The following USP15 variants were observed in gnomAD, a reference collection of about 807,000 sequenced individuals.
The protein encoded by USP15 is ubiquitin carboxyl-terminal hydrolase 15.
A neutral mutation model predicts 127.1 loss-of-function variants in USP15; 18 were observed. That is an observed-to-expected ratio of 0.14 (90% CI 0.10 to 0.21). The LOEUF is 0.21. USP15 is among the 10% of genes least tolerant of loss of function. The pLI, the probability that USP15 is intolerant of heterozygous loss-of-function variation, is 1.00. For missense variants in USP15, 805 were observed against 1,159.9 expected (o/e 0.69, Z 4.44); for synonymous variants, 364 against 393.7 (o/e 0.92, Z 0.89).
chr12:62,326,635 T>A (rs2065135808), intron 6 of USP15, among the ~76,000 whole-genome samples: 1 of 152,228 alleles, frequency 6.6e-6, no homozygotes, highest in South Asian at 2.1e-4. Flanking sequence ...AATAGCATTA[T>A]ATCAGTTCAG....
At position 62,411,485 on chromosome 12, in the gene USP15, T is replaced by C. The variant is rs1409982747; in HGVS notation, c.*7110T>C. ...CAAATATAATTTTTAAAGCTATTTG[T>C]GAGCATAACTTCGTAACACATTTAG... On this transcript the variant is annotated 3_prime_UTR_variant, in exon 22 of 22. Coordinates refer to ENST00000280377, the MANE Select transcript of USP15 (RefSeq NM_001252078.2). The C allele has an allele frequency of 6.6e-6, 1 of 152,240 alleles. No individual in the cohort carries two copies. The highest frequency in any genetic ancestry group is 1.5e-5 in the Non-Finnish European group (1 of 68,036). The allele number at this position is 152,240 out of a possible 1,614,324, so 9.4% of individuals were successfully genotyped here.
chr12:62,351,978 T>TG (rs2065980768), intron 7 of USP15, among the ~76,000 whole-genome samples: 2 of 151,886 alleles, frequency 1.3e-5, no homozygotes, highest in Admixed American at 1.3e-4. Context: ...ATTCAGCTTG[T>TG]GGGAAGACTT....
chr12:62,280,983 C>T (rs1477137329), intron 1 of USP15, among the ~76,000 whole-genome samples: 1 of 152,092 alleles, frequency 6.6e-6, no homozygotes, highest in Non-Finnish European at 1.5e-5. Context: ...GAAAATTGGG[C>T]TTATCTGGAC....
Position 62,389,782 on chromosome 12 carries a change from G to A in USP15, c.1653-15G>A. On this transcript the variant is annotated splice_polypyrimidine_tract_variant and intron_variant, in intron 13 of 21. Transcript: ENST00000280377. Reference sequence around the variant, plus strand: ...ATAAAATTTTGAGAGTTTATGGTCAGTTTTGTCCTTGTAGGTTTGAAATTA... The same window carrying A: ...ATAAAATTTTGAGAGTTTATGGTCAATTTTGTCCTTGTAGGTTTGAAATTA... The A allele has an allele frequency of 2.5e-6, 4 of 1,606,442 alleles. No homozygotes were observed. The highest frequency in any genetic ancestry group is 2.6e-6 in the Non-Finnish European group (3 of 1,175,608).
chr12:62,315,740 G>C (rs1052933834), intron 4 of USP15, among the ~76,000 whole-genome samples: 1 of 152,134 alleles, frequency 6.6e-6, no homozygotes, highest in Non-Finnish European at 1.5e-5. Flanking sequence ...GTTGGAACCA[G>C]TCATTAAAGT....
intron 6 of USP15, chr12:62,335,762 T>C: frequency 1.0e-6 from 1 of 985,452 alleles, no homozygotes; most frequent in African/African-American, 1.7e-5. Flanking sequence ...TAATGTTGCT[T>C]GCCACCCATT....
At chr12:62,312,430 A>G (rs1265139877) in intron 3 of USP15, 2 of 156,342 alleles carry the variant, frequency 1.3e-5, no homozygotes, top group Non-Finnish European at 2.9e-5. Flanking sequence ...AAATGAACAA[A>G]TAGAAATTAT....
chr12:62,383,991 C>T lies in USP15; in HGVS notation c.1241C>T (p.Pro414Leu). The T allele has an allele frequency of 1.2e-6, 2 of 1,611,642 alleles. No individual in the cohort carries two copies. Among genetic ancestry groups the T allele is most frequent in the Non-Finnish European group, 1.7e-6 (2 of 1,178,804 alleles). Reference sequence around the variant, plus strand: ...CAATTAAAAGATGCAGATGGAAGGCCAGATAAGGTAAATTTCATGATCCTA... The same window carrying T: ...CAATTAAAAGATGCAGATGGAAGGCTAGATAAGGTAAATTTCATGATCCTA... ...YIQLKDADGR[P>L]DKVVAEEAWE... Residue 414 changes from proline to leucine, a missense_variant, in exon 10 of 22, where the codon CCA (proline) becomes CTA (leucine). Pro to Leu is a moderately conservative substitution (Grantham distance 98). Transcript: ENST00000280377.
chr12:62,307,827 C>G (rs543890094), intron 3 of USP15, among the ~76,000 whole-genome samples: 3 of 152,228 alleles, frequency 2.0e-5, no homozygotes, highest in South Asian at 4.1e-4. Context: ...TGCAGCGTTA[C>G]AATGTACATC....
In USP15 at chr12:62,320,428, A is replaced by G. The variant is rs554458625; in HGVS notation, c.476-1036A>G. Among the ~76,000 whole-genome samples the G allele has an allele frequency of 1.6e-4, 25 of 152,312 alleles. 1 individual carries two copies. In the South Asian group the frequency reaches 2.5e-3, roughly 15 times the overall value. ...GTACAGCCCATGGAACTGTAAGTCA[A>G]TTAAACCTCTTTTCTTCATAAGTTA... On this transcript the variant is annotated intron_variant, in intron 4 of 21. Transcript: ENST00000280377.
intron 6 of USP15, chr12:62,335,961 G>C: frequency 1.0e-6 from 1 of 985,336 alleles, no homozygotes; most frequent in Non-Finnish European, 1.2e-6. Context: ...CCTCTTTAGG[G>C]TTGCCACATT....
Position 62,295,742 on chromosome 12 carries a change from T to TA in USP15, c.217+1438dup, listed in dbSNP as rs145283908. On this transcript the variant is annotated intron_variant, in intron 2 of 21. Transcript: ENST00000280377. ...AGATTAAAAAGTTAAGAACCAGCTA[T>TA]AACTGCCTACAAGAAACTCACTTTA... Among the ~76,000 whole-genome samples, 1,280 of 152,318 alleles carry TA rather than the reference T, an allele frequency of 8.4e-3. 8 individuals carry two copies. Among genetic ancestry groups the TA allele is most frequent in the Non-Finnish European group, 0.012 (801 of 68,024 alleles).
In USP15 at chr12:62,384,335, T is replaced by G. The variant is rs759113294; in HGVS notation, c.1473+33T>G. The G allele has an allele frequency of 3.5e-4, 511 of 1,449,430 alleles. 1 individual carries two copies. Among genetic ancestry groups the G allele is most frequent in the Middle Eastern group, 2.8e-3 (12 of 4,218 alleles). 89.8% of individuals were successfully genotyped at this position (1,449,430 alleles called of 1,614,324 possible). ...ATGGGTTGGTTTGTTTTGTTTTTTT[T>G]TTTTTTTTTTTGCATTTGTTATTTT... is the stretch of plus-strand genomic sequence containing the variant. On this transcript the variant is annotated intron_variant, in intron 11 of 21. Transcript: ENST00000280377.
chr12:62,351,693 A>G (rs935413056), intron 7 of USP15, among the ~76,000 whole-genome samples: 9 of 152,036 alleles, frequency 5.9e-5, no homozygotes, highest in African/African-American at 2.2e-4. Context: ...ATATGACTAC[A>G]TTATATTTTT....
chr12:62,401,839 G>A (rs746030361), intron 21 of USP15, among the ~76,000 whole-genome samples: 3 of 149,296 alleles, frequency 2.0e-5, no homozygotes, highest in Non-Finnish European at 4.5e-5. Flanking sequence ...ATCATCCACC[G>A]CTGACTCTCA....
At position 62,327,782 on chromosome 12, in the gene USP15, T is replaced by G. The variant is rs377453337; in HGVS notation, c.683+1849T>G. 1.1e-4 allele frequency: 38 copies of G among 351,754 alleles called. No homozygotes were observed. The East Asian group carries it at 2.1e-3, about 20-fold the overall frequency. The allele number at this position is 351,754 out of a possible 1,614,324, so 21.8% of individuals were successfully genotyped here. On this transcript the variant is annotated intron_variant, in intron 6 of 21. Coordinates refer to ENST00000280377, the MANE Select transcript of USP15 (RefSeq NM_001252078.2). ...TGCAATAAATATTGGTGAATACAGG[T>G]GCTGTACTAGAGATGACAAAAGTAC...
chr12:62,339,450 C>T (rs1449038999), intron 6 of USP15, among the ~76,000 whole-genome samples: 3 of 152,130 alleles, frequency 2.0e-5, no homozygotes, highest in African/African-American at 7.2e-5. Context: ...GGTGAGAGGG[C>T]ATCCTTGTCT....
chr12:62,343,758 A>G (rs1002940549), intron 6 of USP15, among the ~76,000 whole-genome samples: 8 of 152,032 alleles, frequency 5.3e-5, no homozygotes, highest in Admixed American at 2.6e-4. Flanking sequence ...TGAGATGGAT[A>G]CCTCAGTTGG....
At chr12:62,304,819 C>T in intron 3 of USP15, 1 of 247,720 alleles carries the variant, frequency 4.0e-6, no homozygotes, top group Non-Finnish European at 8.1e-6. Flanking sequence ...GAATAGTGGG[C>T]TTATTATGCT....
Sources: allele counts gnomAD v4.1 joint callset (sites outside exome capture counted in the v4.1 genomes callset), GRCh38; gene constraint gnomAD v4.1.1; transcripts MANE v1.5; gene names NCBI Gene and HGNC (gene_info 2026-07-23, HGNC 2026-07-21).